AHSA1: variants seen among roughly 807,000 people sequenced by gnomAD.
AHSA1 encodes the protein activator of HSP90 ATPase activity 1.
In AHSA1, 14 loss-of-function variants were observed where a neutral mutation model predicts 46.1. The ratio of observed to expected loss-of-function variants is 0.30; its 90% CI spans 0.20 to 0.47. The LOEUF (loss-of-function observed/expected upper bound fraction) is 0.47. Among genes scored for constraint, AHSA1 ranks in the 20% least tolerant of loss-of-function variants. The pLI is 0.99. For synonymous variants in AHSA1, 147 were observed against 145.8 expected (o/e 1.01, Z -0.06); for missense variants, 333 against 415.9 (o/e 0.80, Z 1.73).
intron 2 of AHSA1, among the ~76,000 whole-genome samples, chr14:77,461,016 C>G (rs181886974): frequency 0.031 from 4,607 of 150,976 alleles, 233 homozygotes; most frequent in African/African-American, 0.11. Context: ...AAAATTAGCC[C>G]GGCGTGGTGG....
intron 7 of AHSA1, 36 bp downstream of exon 7, chr14:77,468,220 C>T: frequency 7.1e-7 from 1 of 1,399,882 alleles, no homozygotes; most frequent in Non-Finnish European, 9.8e-7. Context: ...AGGTTATTGC[C>T]TCTGGTCAGA....
At chr14:77,465,960 G>A (rs1304053486) in intron 6 of AHSA1, among the ~76,000 whole-genome samples, 3 of 152,086 alleles carry the variant, frequency 2.0e-5, no homozygotes, top group Non-Finnish European at 4.4e-5. Flanking sequence ...CTGAACAGCT[G>A]GTACTATAGG....
At chr14:77,457,885 T>C (rs1442883120), upstream of AHSA1, 3 of 487,236 alleles carry the variant, frequency 6.2e-6, no homozygotes, top group South Asian at 7.3e-5. Context: ...TGTTTTCCTA[T>C]GGGTGAGGAA....
chr14:77,462,329 C>T, intron 3 of AHSA1, 87 bp downstream of exon 3: 1 of 1,342,160 alleles, frequency 7.5e-7, no homozygotes, highest in Non-Finnish European at 1.1e-6. Context: ...GGATTCATAG[C>T]CCAGGCTTGG....
chr14:77,462,818 G>A (rs965249655), intron 4 of AHSA1, 59 bp downstream of exon 4: 2 of 1,440,692 alleles, frequency 1.4e-6, no homozygotes, highest in African/African-American at 1.4e-5. Flanking sequence ...TTAGACTCTG[G>A]TTAAGGGCCT....
chr14:77,460,027 A>T, intron 2 of AHSA1: 1 of 569,524 alleles, frequency 1.8e-6, no homozygotes, highest in Non-Finnish European at 3.1e-6. Context: ...CCCATCCATG[A>T]AGTGGCCGGG....
chr14:77,468,048 CCTCTTT>C, intron 6 of AHSA1, 29 bp from the exon 7 acceptor site: 1 of 1,022,870 alleles, frequency 9.8e-7, no homozygotes. Context: ...GTATCTTCTG[CCTCTTT>C]TTTTTTTTTT....
intron 1 of AHSA1, among the ~76,000 whole-genome samples, 180 bp downstream of exon 1, chr14:77,458,449 C>G (rs889373940): frequency 4.6e-5 from 7 of 152,158 alleles, no homozygotes; most frequent in African/African-American, 1.7e-4. Flanking sequence ...CGGTCACCTT[C>G]TCAGTGTTTG....
At chr14:77,459,878 GT>G (rs762789461) in intron 2 of AHSA1, 72 bp downstream of exon 2, 8 of 1,540,258 alleles carry the variant, frequency 5.2e-6, no homozygotes. Flanking sequence ...GGAGAGAACA[GT>G]TTTGAGGAGT....
chr14:77,461,546 G>A (rs1273341538), intron 2 of AHSA1, among the ~76,000 whole-genome samples: 2 of 152,094 alleles, frequency 1.3e-5, no homozygotes, highest in East Asian at 3.9e-4. Flanking sequence ...GGAAAAGGTG[G>A]GCATCAGAAG....
intron 8 of AHSA1, 97 bp downstream of exon 8, chr14:77,468,605 C>G (rs753442287): frequency 6.6e-5 from 74 of 1,113,588 alleles, no homozygotes; most frequent in Non-Finnish European, 9.3e-6. Flanking sequence ...CACTGTCACT[C>G]AGGCTAGAGT....
rs892237927 is a variant in AHSA1, at chr14:77,464,002, G to A, written c.473-596G>A. Among the ~76,000 whole-genome samples, 5 of 152,256 alleles carry A rather than the reference G, an allele frequency of 3.3e-5. No individual in the cohort carries two copies. The East Asian group carries it at 7.7e-4, about 23-fold the overall frequency. On this transcript the variant is annotated intron_variant, in intron 4 of 8. Coordinates refer to ENST00000216479, the MANE Select transcript of AHSA1 (RefSeq NM_012111.3). ...CTTGAAGTCATCAAAGTGCCACGGC[G>A]TTCACGCCATCCTTCCATAGTAGAC... is the stretch of plus-strand genomic sequence containing the variant.
At chr14:77,463,585 C>CAAAAA (rs565353457) in intron 4 of AHSA1, among the ~76,000 whole-genome samples, 1 of 75,102 alleles carries the variant, frequency 1.3e-5, no homozygotes, top group African/African-American at 4.5e-5. Context: ...GACTCCATCT[C>CAAAAA]AAAAAAAAAA....
chr14:77,459,135 G>A (rs2079007076), intron 1 of AHSA1, among the ~76,000 whole-genome samples: 2 of 152,162 alleles, frequency 1.3e-5, no homozygotes, highest in South Asian at 2.1e-4. Flanking sequence ...TGGCCATCTA[G>A]GGGACAGTGA....
chr14:77,464,409 G>A (rs11624314), intron 4 of AHSA1, among the ~76,000 whole-genome samples, 189 bp from the exon 5 acceptor site: 102,248 of 152,038 alleles, frequency 0.67, 35,511 homozygotes, highest in East Asian at 0.96. Flanking sequence ...TGAACATACT[G>A]TATTCTATAG....
intron 4 of AHSA1, 117 bp from the exon 5 acceptor site, chr14:77,464,481 T>A (rs1199110466): frequency 1.1e-6 from 1 of 880,112 alleles, no homozygotes; most frequent in South Asian, 1.7e-5. Flanking sequence ...AGCCTCTTCC[T>A]TTTCTGGTCA....
intron 2 of AHSA1, among the ~76,000 whole-genome samples, chr14:77,460,391 CTG>C (rs1178197831): frequency 1.3e-4 from 20 of 150,900 alleles, no homozygotes; most frequent in Admixed American, 1.3e-3. Context: ...TAGCTACTGT[CTG>C]TGTATGGGGC....
chr14:77,467,588 A>G (rs977506616), intron 6 of AHSA1, among the ~76,000 whole-genome samples: 1 of 152,052 alleles, frequency 6.6e-6, no homozygotes, highest in South Asian at 2.1e-4. Flanking sequence ...CAGCTACTAC[A>G]GAGGCTGAAG....
intron 3 of AHSA1, 132 bp from the exon 4 acceptor site, chr14:77,462,510 A>T (rs540057257): frequency 2.3e-6 from 2 of 870,294 alleles, no homozygotes; most frequent in Non-Finnish European, 3.8e-6. Context: ...ACTAATGGGG[A>T]TTGTACGAAT....
Sources: allele counts gnomAD v4.1 joint callset (sites outside exome capture counted in the v4.1 genomes callset), GRCh38; gene constraint gnomAD v4.1.1; transcripts MANE v1.5; gene names NCBI Gene and HGNC (gene_info 2026-07-23, HGNC 2026-07-21).